Variants in SBF1 observed in about 807,000 individuals in gnomAD.
The protein encoded by SBF1 is myotubularin-related protein 5.
A neutral mutation model predicts 215.8 loss-of-function variants in SBF1; 65 were observed. That is an observed-to-expected ratio of 0.30 (90% CI 0.25 to 0.37). The LOEUF (loss-of-function observed/expected upper bound fraction) is 0.37, where lower values mean the gene tolerates loss of function less well. SBF1 is among the 10% of genes least tolerant of loss of function. SBF1 has a pLI of 1.00. For synonymous variants in SBF1, 1,410 were observed against 1,122.8 expected (o/e 1.26, Z -5.11); for missense variants, 2,634 against 2,667.8 (o/e 0.99, Z 0.28).
Position 50,460,119 on chromosome 22 carries a change from T to C in SBF1, c.3324A>G (p.Ser1108=), listed in dbSNP as rs2067439758. 1 of 1,613,030 alleles carries C rather than the reference T, an allele frequency of 6.2e-7. No homozygotes were observed. Among genetic ancestry groups the C allele is most frequent in the African/African-American group, 1.3e-5 (1 of 74,922 alleles). ...TCATGCGGTCGGAGGGCTTCAGGGC[T>C]GAGGACGGGGTCAGCGTGCTGGGCT... The part of the protein sequence containing the change: ...ELEPSTLTPS[S]ALKPSDRMTM... Residue 1108 remains serine (S), a synonymous_variant, in exon 26 of 41, where the codon TCA becomes TCG. Coordinates refer to ENST00000380817, the MANE Select transcript of SBF1 (RefSeq NM_002972.4).
At chr22:50,468,837 A>G (rs1296598284) in intron 1 of SBF1, among the ~76,000 whole-genome samples, 3 of 151,626 alleles carry the variant, frequency 2.0e-5, no homozygotes, top group African/African-American at 7.3e-5. Flanking sequence ...CGGCCCCCCA[A>G]CAGTGGGCAT....
chr22:50,473,194 C>T (rs1353127547), intron 1 of SBF1, among the ~76,000 whole-genome samples: 1 of 152,148 alleles, frequency 6.6e-6, no homozygotes, highest in Non-Finnish European at 1.5e-5. Context: ...CCAACCCAAA[C>T]CCTCTCCACA....
chr22:50,471,684 C>T (rs117038023), intron 1 of SBF1, among the ~76,000 whole-genome samples: 94 of 152,278 alleles, frequency 6.2e-4, no homozygotes, highest in South Asian at 3.1e-3. Flanking sequence ...AGCCATCCCC[C>T]CCAACCTCCC....
chr22:50,468,900 G>T (rs1291252241), intron 1 of SBF1, among the ~76,000 whole-genome samples: 1 of 152,092 alleles, frequency 6.6e-6, no homozygotes, highest in Non-Finnish European at 1.5e-5. Flanking sequence ...GGGGTGTGGA[G>T]GACTCAAACC....
chr22:50,451,858 G>A (rs1009498402), intron 36 of SBF1, among the ~76,000 whole-genome samples: 11 of 150,170 alleles, frequency 7.3e-5, no homozygotes, highest in Admixed American at 1.3e-4. Context: ...GTGCAGTGGC[G>A]CGATCTCAGC....
At chr22:50,469,149 G>A (rs530940881) in intron 1 of SBF1, among the ~76,000 whole-genome samples, 74 of 152,298 alleles carry the variant, frequency 4.9e-4, no homozygotes, top group Middle Eastern at 3.4e-3. Flanking sequence ...GACGACCACC[G>A]AAGGATGCCC....
Position 50,466,912 on chromosome 22 carries a change from G to A in SBF1, c.550-202C>T, listed in dbSNP as rs985134776. 5.2e-6 allele frequency: 3 copies of A among 573,334 alleles called. No homozygotes were observed. In the East Asian group the frequency reaches 8.8e-5, roughly 17 times the overall value. 35.5% of individuals were successfully genotyped at this position (573,334 alleles called of 1,614,324 possible). ...GCTGCAGAGAAAACTCAGGACAGGAGTGGCTGCTTTTGACTTGGGGGTAGG... is the reference window on the plus strand; with the variant it reads ...GCTGCAGAGAAAACTCAGGACAGGAATGGCTGCTTTTGACTTGGGGGTAGG... On this transcript the variant is annotated intron_variant, in intron 5 of 40. Coordinates refer to ENST00000380817, the MANE Select transcript of SBF1 (RefSeq NM_002972.4).
intron 16 of SBF1, among the ~76,000 whole-genome samples, 156 bp from the exon 17 acceptor site, chr22:50,463,094 C>A (rs1365989538): frequency 1.3e-5 from 2 of 152,106 alleles, no homozygotes; most frequent in African/African-American, 2.4e-5. Flanking sequence ...TATCAGGAGA[C>A]CCCAGGCCCC....
At chr22:50,458,714 C>T (rs892038951) in intron 28 of SBF1, among the ~76,000 whole-genome samples, 1 of 152,152 alleles carries the variant, frequency 6.6e-6, no homozygotes, top group Admixed American at 6.5e-5. Context: ...GTGAAGTGTG[C>T]GTGGCGGTGG....
At position 50,460,554 on chromosome 22, in the gene SBF1, C is replaced by T; in HGVS notation, c.3126G>A (p.Lys1042=). The change falls in exon 24 of 41, where the codon AAG becomes AAA. Residue 1042 remains lysine, a synonymous_variant. Coordinates refer to ENST00000380817, the MANE Select transcript of SBF1 (RefSeq NM_002972.4). ...CATACCTGAGGGAAGGACCCTTGTC[C>T]TTGGTGACTCGCGGTGGCCGGCCAG... is the stretch of plus-strand genomic sequence containing the variant. ...HTPGRPPRVT[K]DKGPSLRTLS... 1 of 1,614,122 alleles carries T rather than the reference C, an allele frequency of 6.2e-7. No individual in the cohort carries two copies. Among genetic ancestry groups the T allele is most frequent in the East Asian group, 2.2e-5 (1 of 44,886 alleles).
rs779491206 is a variant in SBF1, at chr22:50,464,347, T to C, written c.1731A>G (p.Lys577=). 5.0e-6 allele frequency: 8 copies of C among 1,613,822 alleles called. No homozygotes were observed. The Admixed American group carries it at 6.7e-5, about 13-fold the overall frequency. ...CCCTCACCTTCTTGGCCTCAAGCAT[T>C]TTCCCCTCAAACACGTAGGAGATGC... The part of the protein sequence containing the change: ...RNCISYVFEG[K]MLEAKKLLPA... The change falls in exon 15 of 41, where the codon AAA becomes AAG. Residue 577 remains lysine, a synonymous_variant. Transcript: ENST00000380817.
chr22:50,460,600 G>A lies in SBF1; in HGVS notation c.3080C>T (p.Thr1027Ile), dbSNP rs533078751. 15 of 1,614,142 alleles carry A rather than the reference G, an allele frequency of 9.3e-6. No homozygotes were observed. The African/African-American group carries it at 1.2e-4, about 13-fold the overall frequency. ...GCCAGGTGTGTGGGCAGAGCCCAAG[G>A]TGAACGCAAAGGTGGCCCTGATGTC... ...PPDIRATFAF[T>I]LGSAHTPGRP... Residue 1027 changes from threonine (T) to isoleucine (I), a missense_variant, in exon 24 of 41, where the codon ACC becomes ATC. Thr to Ile is a moderately conservative substitution (Grantham distance 89). Coordinates refer to ENST00000380817, the MANE Select transcript of SBF1 (RefSeq NM_002972.4).
intron 36 of SBF1, among the ~76,000 whole-genome samples, chr22:50,449,484 A>G (rs2066959408): frequency 2.0e-5 from 3 of 152,048 alleles, no homozygotes. Context: ...ACGCAGTGGC[A>G]GGCACCAGTA....
chr22:50,465,756 C>T lies in SBF1; in HGVS notation c.1089+7G>A, dbSNP rs1356813059. ...GGTCCCCATGCAGGAGCAGCAACGACCCCCACCTGCATCTTCAGGGAGGAG... is the reference window on the plus strand; with the variant it reads ...GGTCCCCATGCAGGAGCAGCAACGATCCCCACCTGCATCTTCAGGGAGGAG... On this transcript the variant is annotated splice_region_variant and intron_variant, in intron 10 of 40. Transcript: ENST00000380817. 5 of 1,597,304 alleles carry T rather than the reference C, an allele frequency of 3.1e-6. No individual in the cohort carries two copies. In the African/African-American group the frequency reaches 4.0e-5, roughly 13 times the overall value.
rs1262906374 is a variant in SBF1 at position 50,446,734 on chromosome 22, A to G, written c.*408T>C. Reference sequence around the variant, plus strand: ...AACCTCCCGCCAGGTGGGCCTGGATAGGGGCAGATGGGACCCTCTGGGTAG... The same window carrying G: ...AACCTCCCGCCAGGTGGGCCTGGATGGGGGCAGATGGGACCCTCTGGGTAG... On this transcript the variant is annotated 3_prime_UTR_variant, in exon 41 of 41. Coordinates refer to ENST00000380817, the MANE Select transcript of SBF1 (RefSeq NM_002972.4). 2 of 461,856 alleles carry G rather than the reference A, an allele frequency of 4.3e-6. No homozygotes were observed. The highest frequency in any genetic ancestry group is 8.6e-6 in the Non-Finnish European group (2 of 233,298). The allele number at this position is 461,856 out of a possible 1,614,324, so 28.6% of individuals were successfully genotyped here.
At chr22:50,453,687 T>C (rs953578881) in intron 36 of SBF1, among the ~76,000 whole-genome samples, 1 of 151,994 alleles carries the variant, frequency 6.6e-6, no homozygotes, top group Non-Finnish European at 1.5e-5. Context: ...CTCGAGAGGC[T>C]GAGGCAGGAG....
chr22:50,460,301 G>C lies in SBF1; in HGVS notation c.3254C>G (p.Pro1085Arg), dbSNP rs374067780. 2.5e-6 allele frequency: 4 copies of C among 1,610,496 alleles called. No individual in the cohort carries two copies. Among genetic ancestry groups the C allele is most frequent in the Non-Finnish European group, 3.4e-6 (4 of 1,177,692 alleles). The change falls in exon 25 of 41, where the codon CCC (proline) becomes CGC (arginine). Residue 1085 changes from proline to arginine, a missense_variant. By Grantham distance (103) the Pro-to-Arg change is moderately radical (BLOSUM62 -2). Coordinates refer to ENST00000380817, the MANE Select transcript of SBF1 (RefSeq NM_002972.4). ...PPSWEHRGQP[P>R]PEDQEDEISV... ...GATCTCGTCCTCCTGGTCCTCAGGG[G>C]GCGGCTGGCCCCGGTGCTCCCAGCT...
At chr22:50,469,538 G>C (rs554265401) in intron 1 of SBF1, among the ~76,000 whole-genome samples, 3 of 152,272 alleles carry the variant, frequency 2.0e-5, no homozygotes, top group Middle Eastern at 3.4e-3. Context: ...GGACGGCTCC[G>C]CAGGCCTCCC....
chr22:50,458,074 C>T (rs555670864), intron 28 of SBF1, among the ~76,000 whole-genome samples: 2 of 152,082 alleles, frequency 1.3e-5, no homozygotes, highest in African/African-American at 2.4e-5. Context: ...CCGAGGCGGG[C>T]GGATCACCAG....
Sources: gnomAD v4.1 joint callset for allele counts (sites outside exome capture counted in the v4.1 genomes callset) on GRCh38, gnomAD v4.1.1 for gene constraint, MANE v1.5 for transcripts, NCBI Gene and HGNC (gene_info 2026-07-23, HGNC 2026-07-21) for gene names.